CREB5: variants seen among roughly 807,000 people sequenced by gnomAD.
CREB5 encodes the protein cAMP responsive element binding protein 5.
CREB5 carries 19 observed loss-of-function variants against 57.1 expected under a neutral mutation model. The ratio of observed to expected loss-of-function variants is 0.33; its 90% CI spans 0.23 to 0.49. The LOEUF is 0.49. Ranked by LOEUF, CREB5 falls within the 20% of genes least tolerant of loss-of-function variation. The pLI is 0.99. For synonymous variants in CREB5, 238 were observed against 238.3 expected (o/e 1.00, Z 0.01); for missense variants, 579 against 671.6 (o/e 0.86, Z 1.52).
intron 1 of CREB5, among the ~76,000 whole-genome samples, chr7:28,417,873 CT>C (rs1788088381): frequency 6.6e-6 from 1 of 152,136 alleles, no homozygotes; most frequent in East Asian, 1.9e-4. Flanking sequence ...GACAATAATT[CT>C]TTGCACCACA....
intron 1 of CREB5, among the ~76,000 whole-genome samples, chr7:28,392,859 C>G (rs1186783588): frequency 1.3e-5 from 2 of 152,182 alleles, no homozygotes; most frequent in African/African-American, 4.8e-5. Context: ...ACTGCCACCT[C>G]AGACCCTCTT....
intron 1 of CREB5, among the ~76,000 whole-genome samples, chr7:28,389,470 G>T (rs751937264): frequency 3.9e-5 from 6 of 152,058 alleles, no homozygotes; most frequent in Non-Finnish European, 8.8e-5. Context: ...AAATCTCCAT[G>T]TAAAATGGAG....
chr7:28,673,310 G>GA (rs1257703739), intron 5 of CREB5, among the ~76,000 whole-genome samples: 1 of 152,062 alleles, frequency 6.6e-6, no homozygotes, highest in Non-Finnish European at 1.5e-5. Context: ...CCTGTCCCAG[G>GA]ATACCTGTTT....
intron 1 of CREB5, among the ~76,000 whole-genome samples, chr7:28,483,153 C>G (rs555737939): frequency 6.6e-6 from 1 of 152,308 alleles, no homozygotes; most frequent in East Asian, 1.9e-4. Context: ...TGTAGGCTGT[C>G]CACGTTTCAG....
chr7:28,541,804 T>C (rs891177021), intron 4 of CREB5, among the ~76,000 whole-genome samples: 4 of 152,240 alleles, frequency 2.6e-5, no homozygotes, highest in Non-Finnish European at 2.9e-5. Flanking sequence ...TTCCCCTTTA[T>C]TCAACTTTTT....
At chr7:28,407,732 A>G (rs1206627679), upstream of CREB5, among the ~76,000 whole-genome samples, 1 of 152,214 alleles carries the variant, frequency 6.6e-6, no homozygotes, top group Non-Finnish European at 1.5e-5. Context: ...AAGGAACACT[A>G]AAGGGCAAGG....
intron 1 of CREB5, among the ~76,000 whole-genome samples, chr7:28,400,594 G>A (rs1272160929): frequency 6.6e-6 from 1 of 152,182 alleles, no homozygotes; most frequent in Non-Finnish European, 1.5e-5. Context: ...GGAGAGCCAG[G>A]TAGGGAAGCT....
At chr7:28,743,121 G>A (rs1804472529) in intron 7 of CREB5, among the ~76,000 whole-genome samples, 1 of 152,192 alleles carries the variant, frequency 6.6e-6, no homozygotes, top group African/African-American at 2.4e-5. Context: ...AGACTTGGAT[G>A]ACAGTGTAGG....
rs1791958093 is a variant in CREB5, at chr7:28,494,892, T to TTA, written c.76-14_76-13insTA. On this transcript the variant is annotated splice_polypyrimidine_tract_variant and intron_variant, in intron 2 of 10. Transcript: ENST00000357727. ...TCCTCTTCTCCCCTCCCTTTTTTTTTATTCGTCCGACAGCGCTTCCCAACA... is the reference window on the plus strand; with the variant it reads ...TCCTCTTCTCCCCTCCCTTTTTTTTTTAATTCGTCCGACAGCGCTTCCCAACA... 6.4e-7 allele frequency: 1 copy of TTA among 1,553,474 alleles called. No individual in the cohort carries two copies. Among genetic ancestry groups the TTA allele is most frequent in the East Asian group, 2.3e-5 (1 of 43,268 alleles).
chr7:28,621,222 CTCTGGTAGCATAATTCT>C (rs1410355465), intron 5 of CREB5, among the ~76,000 whole-genome samples: 3 of 152,208 alleles, frequency 2.0e-5, no homozygotes, highest in African/African-American at 7.2e-5. Context: ...GCATCCACAT[CTCTGGTAGCATAATTCT>C]TGCCAGGTCA....
At chr7:28,592,666 G>A (rs1163795080) in intron 5 of CREB5, among the ~76,000 whole-genome samples, 1 of 152,166 alleles carries the variant, frequency 6.6e-6, no homozygotes, top group Non-Finnish European at 1.5e-5. Flanking sequence ...TCATATGGAG[G>A]AGGTGGAGAA....
intron 1 of CREB5, among the ~76,000 whole-genome samples, chr7:28,344,919 A>T (rs1389206287): frequency 6.6e-6 from 1 of 152,228 alleles, no homozygotes; most frequent in Non-Finnish European, 1.5e-5. Flanking sequence ...ACAGAATGAC[A>T]TTATTTAATG....
chr7:28,624,591 A>C (rs536873485), intron 5 of CREB5, among the ~76,000 whole-genome samples: 1 of 151,662 alleles, frequency 6.6e-6, no homozygotes, highest in South Asian at 2.1e-4. Flanking sequence ...GCCTCACCCC[A>C]GTAAATCCTC....
intron 1 of CREB5, among the ~76,000 whole-genome samples, chr7:28,437,580 T>A (rs1789012227): frequency 6.6e-6 from 1 of 152,166 alleles, no homozygotes; most frequent in Admixed American, 6.5e-5. Flanking sequence ...AACCTAAGTT[T>A]AGTGACATTA....
chr7:28,461,928 C>A (rs10240634), intron 1 of CREB5, among the ~76,000 whole-genome samples: 29,706 of 151,950 alleles, frequency 0.2, 3,420 homozygotes, highest in South Asian at 0.34. Flanking sequence ...ACGTATCATA[C>A]AATATGCTCT....
In CREB5 at chr7:28,547,939, G is replaced by A. The variant is rs184338288; in HGVS notation, c.292-22426G>A. On this transcript the variant is annotated intron_variant, in intron 4 of 10. Coordinates refer to ENST00000357727, the MANE Select transcript of CREB5 (RefSeq NM_182898.4). Reference sequence around the variant, plus strand: ...GTCCACAAATGAATGCACAGGAGAAGCAGCTTTTTGAAGAAAACATCGAAG... The same window carrying A: ...GTCCACAAATGAATGCACAGGAGAAACAGCTTTTTGAAGAAAACATCGAAG... Among the ~76,000 whole-genome samples the A allele has an allele frequency of 2.0e-5, 3 of 152,302 alleles. No homozygotes were observed. In the East Asian group the frequency reaches 5.8e-4, roughly 29 times the overall value.
intron 2 of CREB5, among the ~76,000 whole-genome samples, chr7:28,492,884 A>G (rs575863606): frequency 2.6e-5 from 4 of 152,160 alleles, no homozygotes; most frequent in African/African-American, 9.6e-5. Context: ...AGTGCTATGT[A>G]TTTGGTGCAG....
At chr7:28,721,830 A>C (rs901254591) in intron 6 of CREB5, among the ~76,000 whole-genome samples, 1 of 152,326 alleles carries the variant, frequency 6.6e-6, no homozygotes, top group African/African-American at 2.4e-5. Context: ...TGGAAGCGTG[A>C]ACACACATTT....
intron 5 of CREB5, among the ~76,000 whole-genome samples, chr7:28,658,959 A>ATATATATATATGTG (rs1799457812): frequency 7.7e-6 from 1 of 129,564 alleles, no homozygotes; most frequent in African/African-American, 3.1e-5. Context: ...GTGTGTATAT[A>ATATATATATATGTG]TATATATATA....
Sources: allele counts gnomAD v4.1 joint callset (sites outside exome capture counted in the v4.1 genomes callset), GRCh38; gene constraint gnomAD v4.1.1; transcripts MANE v1.5; gene names NCBI Gene and HGNC (gene_info 2026-07-23, HGNC 2026-07-21).